The following NBAS variants were observed in gnomAD, a reference collection of about 807,000 sequenced individuals.
NBAS encodes NBAS subunit of NRZ tethering complex.
In NBAS, 219 loss-of-function variants were observed where a neutral mutation model predicts 302.5. The observed-to-expected ratio is 0.72, with a 90% CI of 0.65 to 0.81. The LOEUF (loss-of-function observed/expected upper bound fraction) is 0.81, where lower values mean the gene tolerates loss of function less well. Among genes scored for constraint, NBAS ranks in the 30% least tolerant of loss-of-function variants. The pLI is 0.00. For missense variants in NBAS, 2,932 were observed against 2,841.6 expected (o/e 1.03, Z -0.72); for synonymous variants, 1,118 against 1,021.6 (o/e 1.09, Z -1.80).
At chr2:15,401,864 T>C (rs1676167509) in intron 26 of NBAS, among the ~76,000 whole-genome samples, 1 of 152,164 alleles carries the variant, frequency 6.6e-6, no homozygotes. Flanking sequence ...CCTACTGACT[T>C]ATAAAAAGTA....
chr2:15,113,320 C>CATGTGTGTGTGT, the NBAS span, among the ~76,000 whole-genome samples: 2 of 129,870 alleles, frequency 1.5e-5, no homozygotes, highest in East Asian at 2.4e-4. Context: ...GGTATGAACT[C>CATGTGTGTGTGT]GTGTGTGTGT....
intron 9 of NBAS, among the ~76,000 whole-genome samples, chr2:15,520,131 G>C (rs1185446470): frequency 1.3e-5 from 2 of 152,052 alleles, no homozygotes; most frequent in African/African-American, 2.4e-5. Flanking sequence ...GCCAGGCACA[G>C]TGACTTACAT....
chr2:15,069,727 A>G, the NBAS span, among the ~76,000 whole-genome samples: 1 of 152,232 alleles, frequency 6.6e-6, no homozygotes, highest in African/African-American at 2.4e-5. Context: ...CTTTTTAAGG[A>G]TATTTTTTCT....
At chr2:15,073,099 G>C in the NBAS span, among the ~76,000 whole-genome samples, 1 of 152,250 alleles carries the variant, frequency 6.6e-6, no homozygotes, top group Admixed American at 6.5e-5. Flanking sequence ...ACTCCAGCCT[G>C]GGCAACAGCT....
the NBAS span, among the ~76,000 whole-genome samples, chr2:15,033,792 A>G: frequency 3.9e-3 from 593 of 151,938 alleles, 7 homozygotes; most frequent in African/African-American, 0.014. Context: ...AAAAAAAATA[A>G]CAAAAATTAG....
chr2:14,990,820 C>T, the NBAS span, among the ~76,000 whole-genome samples: 1 of 152,156 alleles, frequency 6.6e-6, no homozygotes, highest in Non-Finnish European at 1.5e-5. Flanking sequence ...GCAATAGATG[C>T]TGTAGTGTGT....
intron 47 of NBAS, among the ~76,000 whole-genome samples, chr2:15,225,323 G>A (rs779007246): frequency 2.6e-5 from 4 of 152,108 alleles, no homozygotes; most frequent in African/African-American, 9.7e-5. Context: ...GAAATATTGC[G>A]GTAACAGAGT....
At chr2:15,527,056 C>G (rs1234391932) in intron 9 of NBAS, among the ~76,000 whole-genome samples, 2 of 142,930 alleles carry the variant, frequency 1.4e-5, no homozygotes, top group African/African-American at 5.2e-5. Context: ...AAAAACAGTC[C>G]AGCATTAAGA....
chr2:15,542,892 T>A (rs1310974233), intron 6 of NBAS, among the ~76,000 whole-genome samples: 1 of 150,970 alleles, frequency 6.6e-6, no homozygotes, highest in Non-Finnish European at 1.5e-5. Flanking sequence ...TGCTTTTATA[T>A]GCTAGTTACA....
the NBAS span, among the ~76,000 whole-genome samples, chr2:14,834,039 T>C: frequency 1.3e-5 from 2 of 152,270 alleles, no homozygotes; most frequent in South Asian, 2.1e-4. Context: ...TCACCAAACA[T>C]ATAAGTTAGC....
At chr2:14,786,482 C>T in the NBAS span, among the ~76,000 whole-genome samples, 2 of 152,140 alleles carry the variant, frequency 1.3e-5, no homozygotes, top group African/African-American at 2.4e-5. Flanking sequence ...TCCCGCTACA[C>T]ACTGCTTTGA....
At chr2:15,455,073 T>C (rs1679190655) in intron 21 of NBAS, among the ~76,000 whole-genome samples, 6 of 152,138 alleles carry the variant, frequency 3.9e-5, no homozygotes, top group Admixed American at 3.9e-4. Context: ...CGGCTAATTT[T>C]TGTGTTTTTA....
chr2:15,375,272 G>A (rs1209882886), intron 30 of NBAS, among the ~76,000 whole-genome samples: 1 of 152,192 alleles, frequency 6.6e-6, no homozygotes, highest in East Asian at 1.9e-4. Flanking sequence ...GATTTGCTAA[G>A]CTAAGAATGT....
At chr2:15,532,981 T>C (rs1434023644) in intron 9 of NBAS, among the ~76,000 whole-genome samples, 1 of 152,074 alleles carries the variant, frequency 6.6e-6, no homozygotes. Context: ...ATTTCATAGA[T>C]GAGAAAACAT....
chr2:15,314,926 A>G (rs1038263568), intron 38 of NBAS, among the ~76,000 whole-genome samples: 1 of 152,224 alleles, frequency 6.6e-6, no homozygotes, highest in African/African-American at 2.4e-5. Flanking sequence ...AAAATATATG[A>G]TTGCATTTAA....
intron 50 of NBAS, among the ~76,000 whole-genome samples, chr2:15,184,655 C>T (rs1294436859): frequency 6.6e-6 from 1 of 152,152 alleles, no homozygotes; most frequent in Non-Finnish European, 1.5e-5. Flanking sequence ...CTTCACTCAT[C>T]GCCAGCCACT....
intron 21 of NBAS, among the ~76,000 whole-genome samples, chr2:15,445,732 C>T (rs1678700933): frequency 6.6e-6 from 1 of 151,300 alleles, no homozygotes; most frequent in East Asian, 1.9e-4. Flanking sequence ...TTCTTAATGT[C>T]TGTTATCCAA....
At chr2:15,016,791 A>G in the NBAS span, among the ~76,000 whole-genome samples, 1 of 152,208 alleles carries the variant, frequency 6.6e-6, no homozygotes, top group African/African-American at 2.4e-5. Context: ...GACCAATGGA[A>G]CAGAATAGAG....
the NBAS span, among the ~76,000 whole-genome samples, chr2:14,905,420 A>C: frequency 3.9e-5 from 6 of 152,198 alleles, no homozygotes; most frequent in South Asian, 6.2e-4. Flanking sequence ...ACCAGAGCAG[A>C]GAACCACATG....
Sources: gnomAD v4.1 joint callset for allele counts (sites outside exome capture counted in the v4.1 genomes callset) on GRCh38, gnomAD v4.1.1 for gene constraint, MANE v1.5 for transcripts, NCBI Gene and HGNC (gene_info 2026-07-23, HGNC 2026-07-21) for gene names.